PIBF1: variants seen among roughly 807,000 people sequenced by gnomAD.
PIBF1 encodes progesterone-induced-blocking factor 1.
PIBF1 carries 90 observed loss-of-function variants against 112.5 expected under a neutral mutation model. The ratio of observed to expected loss-of-function variants is 0.80; its 90% confidence interval spans 0.67 to 0.95. The LOEUF is 0.95. Ranked by LOEUF, PIBF1 falls within the 40% of genes least tolerant of loss-of-function variation. The pLI is 0.00. For synonymous variants in PIBF1, 301 were observed against 288.6 expected (o/e 1.04, Z -0.44); for missense variants, 915 against 852.3 (o/e 1.07, Z -0.92).
intron 16 of PIBF1, among the ~76,000 whole-genome samples, chr13:72,976,773 A>G (rs2138953700): frequency 6.6e-6 from 1 of 152,364 alleles, no homozygotes; most frequent in African/African-American, 2.4e-5. Flanking sequence ...CATTTACCTG[A>G]TGAAACAGGA....
At position 72,835,336 on chromosome 13, in the gene PIBF1, T is replaced by C; in HGVS notation, c.1191T>C (p.Asn397=). The change falls in exon 9 of 18, where the codon AAT becomes AAC. Residue 397 remains asparagine, a synonymous_variant. Coordinates refer to ENST00000326291, the MANE Select transcript of PIBF1 (RefSeq NM_006346.4). The part of the protein sequence containing the change: ...KTNQEIDQLR[N]ASREMYEREN... ...ACCAAGAAATTGATCAACTTCGAAA[T>C]GCCTCTAGGGAAATGTATGAACGAG... 1 of 1,593,026 alleles carries C rather than the reference T, an allele frequency of 6.3e-7. No individual in the cohort carries two copies. Among genetic ancestry groups the C allele is most frequent in the Non-Finnish European group, 8.5e-7 (1 of 1,171,588 alleles).
chr13:72,988,151 G>A (rs554439355), intron 16 of PIBF1, among the ~76,000 whole-genome samples: 25 of 151,934 alleles, frequency 1.6e-4, no homozygotes, highest in African/African-American at 5.8e-4. Context: ...ATGAGCCACC[G>A]CACCTGGCCC....
At chr13:72,811,006 G>A (rs943622542) in intron 5 of PIBF1, among the ~76,000 whole-genome samples, 4 of 151,968 alleles carry the variant, frequency 2.6e-5, no homozygotes, top group Non-Finnish European at 4.4e-5. Context: ...ACAGGTGCAC[G>A]CTGCCACTCC....
rs773434226 is a variant in PIBF1 at position 72,835,312 on chromosome 13, C to T, written c.1167C>T (p.Asn389=). ...DELEQIRLKT[N]QEIDQLRNAS... ...TAGAACAAATCAGATTGAAAACCAA[C>T]CAAGAAATTGATCAACTTCGAAATG... The change falls in exon 9 of 18, where the codon AAC becomes AAT. Residue 389 remains asparagine, a synonymous_variant. Coordinates refer to ENST00000326291, the MANE Select transcript of PIBF1 (RefSeq NM_006346.4). 7 of 1,595,604 alleles carry T rather than the reference C, an allele frequency of 4.4e-6. No individual in the cohort carries two copies. In the South Asian group the frequency reaches 5.7e-5, roughly 13 times the overall value.
intron 5 of PIBF1, among the ~76,000 whole-genome samples, chr13:72,810,008 T>A (rs1258607457): frequency 6.6e-6 from 1 of 152,240 alleles, no homozygotes; most frequent in African/African-American, 2.4e-5. Flanking sequence ...AAATAACATC[T>A]AGATACTATT....
At chr13:72,957,032 G>A (rs1372765316) in intron 14 of PIBF1, among the ~76,000 whole-genome samples, 3 of 152,334 alleles carry the variant, frequency 2.0e-5, no homozygotes, top group African/African-American at 7.2e-5. Context: ...TGGCATGGAT[G>A]TGGTGAAAAG....
chr13:72,885,423 A>G (rs1370412004), intron 10 of PIBF1, among the ~76,000 whole-genome samples: 1 of 152,114 alleles, frequency 6.6e-6, no homozygotes, highest in African/African-American at 2.4e-5. Flanking sequence ...GAACCTATTT[A>G]GCATTCTAAT....
chr13:72,809,002 T>C (rs2035872809), intron 5 of PIBF1, among the ~76,000 whole-genome samples: 2 of 152,140 alleles, frequency 1.3e-5, no homozygotes, highest in African/African-American at 4.8e-5. Flanking sequence ...CTTAAAAAGT[T>C]TATTCTCTAC....
chr13:73,015,625 G>A (rs2044361055), intron 17 of PIBF1, among the ~76,000 whole-genome samples: 1 of 152,044 alleles, frequency 6.6e-6, no homozygotes, highest in Admixed American at 6.6e-5. Context: ...TGCATCCCCA[G>A]AAAATCTTAA....
chr13:72,855,602 T>A (rs2038386483), intron 10 of PIBF1, among the ~76,000 whole-genome samples: 1 of 152,142 alleles, frequency 6.6e-6, no homozygotes, highest in East Asian at 1.9e-4. Context: ...TGAGCAGAGA[T>A]CATGCCACAG....
At chr13:72,905,019 C>T (rs1241316532) in intron 11 of PIBF1, among the ~76,000 whole-genome samples, 4 of 151,376 alleles carry the variant, frequency 2.6e-5, no homozygotes, top group South Asian at 4.2e-4. Context: ...AGTGACTGAA[C>T]TGTGATTAGA....
At chr13:72,901,877 TAA>T (rs2040501301) in intron 11 of PIBF1, among the ~76,000 whole-genome samples, 1 of 152,054 alleles carries the variant, frequency 6.6e-6, no homozygotes, top group East Asian at 1.9e-4. Context: ...CAAAGGAAAA[TAA>T]GTCATTATTT....
intron 17 of PIBF1, among the ~76,000 whole-genome samples, chr13:73,000,564 G>T (rs990596999): frequency 6.6e-6 from 1 of 152,156 alleles, no homozygotes; most frequent in Non-Finnish European, 1.5e-5. Flanking sequence ...ACACTATGCT[G>T]TGTCTATTAT....
chr13:72,839,552 G>A (rs2037511395), intron 9 of PIBF1, among the ~76,000 whole-genome samples: 1 of 152,172 alleles, frequency 6.6e-6, no homozygotes, highest in Non-Finnish European at 1.5e-5. Context: ...TTACAAATAA[G>A]TACTGTTGGT....
intron 11 of PIBF1, among the ~76,000 whole-genome samples, chr13:72,899,295 A>G (rs914769585): frequency 3.9e-5 from 6 of 152,164 alleles, no homozygotes; most frequent in Admixed American, 6.5e-5. Flanking sequence ...TCACCCTAAT[A>G]CCAAACCAGG....
At chr13:72,893,274 T>A (rs543230742) in intron 10 of PIBF1, among the ~76,000 whole-genome samples, 46 of 152,282 alleles carry the variant, frequency 3.0e-4, no homozygotes, top group African/African-American at 1.1e-3. Context: ...ATATTTATCT[T>A]CACAGTTTGT....
At chr13:72,817,743 G>A (rs999282511) in intron 5 of PIBF1, among the ~76,000 whole-genome samples, 1 of 152,142 alleles carries the variant, frequency 6.6e-6, no homozygotes, top group African/African-American at 2.4e-5. Flanking sequence ...ATGGAAGGAT[G>A]CAGAGGAGAA....
intron 14 of PIBF1, among the ~76,000 whole-genome samples, chr13:72,944,482 T>A (rs1040094016): frequency 6.6e-6 from 1 of 151,188 alleles, no homozygotes; most frequent in Non-Finnish European, 1.5e-5. Context: ...GTATTCAGAA[T>A]AAACAATAAA....
intron 14 of PIBF1, among the ~76,000 whole-genome samples, chr13:72,952,840 G>A (rs61141304): frequency 0.11 from 17,153 of 149,772 alleles, 2,867 homozygotes; most frequent in African/African-American, 0.37. Context: ...GGCTGGAATG[G>A]CAGAGGTCTC....
Sources: allele counts gnomAD v4.1 joint callset (sites outside exome capture counted in the v4.1 genomes callset), GRCh38; gene constraint gnomAD v4.1.1; transcripts MANE v1.5; gene names NCBI Gene and HGNC (gene_info 2026-07-23, HGNC 2026-07-21).